Variants in CNTNAP2 observed in about 807,000 individuals in gnomAD.
CNTNAP2 encodes contactin-associated protein-like 2.
A neutral mutation model predicts 155.2 loss-of-function variants in CNTNAP2; 98 were observed. That is an observed-to-expected ratio of 0.63 (90% CI 0.54 to 0.75). CNTNAP2 has a LOEUF of 0.75. Ranked by LOEUF, CNTNAP2 falls within the 30% of genes least tolerant of loss-of-function variation. CNTNAP2 has a pLI of 0.00. For missense variants in CNTNAP2, 1,727 were observed against 1,688.1 expected (o/e 1.02, Z -0.40); for synonymous variants, 651 against 631.2 (o/e 1.03, Z -0.47).
intron 1 of CNTNAP2, among the ~76,000 whole-genome samples, chr7:146,199,898 C>CTTG (rs1297542252): frequency 4.6e-5 from 7 of 152,226 alleles, no homozygotes; most frequent in Admixed American, 4.6e-4. Flanking sequence ...GAAAAACAGT[C>CTTG]TTTCTCCCTT....
At chr7:147,763,927 G>T (rs975940552) in intron 13 of CNTNAP2, among the ~76,000 whole-genome samples, 1 of 152,174 alleles carries the variant, frequency 6.6e-6, no homozygotes. Context: ...CTGATAAGGT[G>T]CGTGCCATTC....
chr7:148,094,846 A>G (rs1803928137), intron 15 of CNTNAP2, among the ~76,000 whole-genome samples: 1 of 152,238 alleles, frequency 6.6e-6, no homozygotes. Flanking sequence ...ACTTGGCTCT[A>G]GGAAGGACCC....
chr7:147,924,337 C>A (rs535753716), intron 14 of CNTNAP2, among the ~76,000 whole-genome samples: 1 of 151,938 alleles, frequency 6.6e-6, no homozygotes, highest in East Asian at 1.9e-4. Flanking sequence ...CAGGGTTTCT[C>A]CATGTTGGTC....
At chr7:147,154,722 A>T (rs1315130238) in intron 8 of CNTNAP2, among the ~76,000 whole-genome samples, 4 of 152,132 alleles carry the variant, frequency 2.6e-5, no homozygotes. Flanking sequence ...AAAGATACTG[A>T]ACTGAAATCA....
rs2222914 is a variant in CNTNAP2 at position 147,948,018 on chromosome 7, A to T, written c.2256-29844A>T. On this transcript the variant is annotated intron_variant, in intron 14 of 23. Coordinates refer to ENST00000361727, the MANE Select transcript of CNTNAP2 (RefSeq NM_014141.6). ...TTCCATTTCTGTACAGAATTTTTTT[A>T]AAATTTACCTCACAATCTAGAAAGA... Among the ~76,000 whole-genome samples the T allele has an allele frequency of 1.9e-3, 288 of 152,292 alleles. 6 individuals carry two copies. In the East Asian group the frequency reaches 0.046, roughly 25 times the overall value.
chr7:148,289,437 C>T (rs73171906), intron 21 of CNTNAP2, among the ~76,000 whole-genome samples: 20,454 of 152,126 alleles, frequency 0.13, 1,582 homozygotes, highest in Middle Eastern at 0.22. Context: ...TTTGTCCTCC[C>T]AGGGTGAAAT....
chr7:146,235,128 A>G (rs879316314), intron 1 of CNTNAP2, among the ~76,000 whole-genome samples: 1 of 152,194 alleles, frequency 6.6e-6, no homozygotes, highest in Non-Finnish European at 1.5e-5. Context: ...GTACATAGAA[A>G]ATACATCTTA....
At chr7:147,991,928 G>C (rs1018870299) in intron 15 of CNTNAP2, among the ~76,000 whole-genome samples, 6 of 151,992 alleles carry the variant, frequency 3.9e-5, no homozygotes, top group African/African-American at 1.5e-4. Flanking sequence ...TCCTAACTAT[G>C]TGCAGGTCTG....
At chr7:147,638,106 T>A (rs1294827041) in intron 12 of CNTNAP2, among the ~76,000 whole-genome samples, 2 of 152,224 alleles carry the variant, frequency 1.3e-5, no homozygotes, top group African/African-American at 4.8e-5. Flanking sequence ...ATATTTGATA[T>A]GCCTCAATCC....
intron 7 of CNTNAP2, among the ~76,000 whole-genome samples, chr7:147,129,143 C>T (rs533052893): frequency 2.6e-5 from 4 of 152,244 alleles, no homozygotes; most frequent in Admixed American, 2.0e-4. Context: ...GCCCTTAAAC[C>T]GGCAGCATCG....
chr7:146,460,757 G>A (rs1796624172), intron 1 of CNTNAP2, among the ~76,000 whole-genome samples: 1 of 152,118 alleles, frequency 6.6e-6, no homozygotes, highest in African/African-American at 2.4e-5. Context: ...CTTACATGCA[G>A]AATCTTAAAA....
intron 1 of CNTNAP2, among the ~76,000 whole-genome samples, chr7:146,722,713 T>A (rs907373834): frequency 2.5e-4 from 36 of 146,590 alleles, no homozygotes; most frequent in African/African-American, 9.1e-4. Context: ...ACACACAAAA[T>A]ATATATATAT....
chr7:147,821,385 T>C (rs184121163), intron 13 of CNTNAP2, among the ~76,000 whole-genome samples: 1,576 of 152,288 alleles, frequency 0.01, 14 homozygotes, highest in Middle Eastern at 0.024. Context: ...GTGCCTTTTA[T>C]GTATCAAGCA....
intron 11 of CNTNAP2, among the ~76,000 whole-genome samples, chr7:147,498,658 C>T (rs183286214): frequency 7.7e-4 from 118 of 152,266 alleles, no homozygotes; most frequent in Admixed American, 2.6e-3. Context: ...TTCCTTTATA[C>T]ATATAGATGA....
intron 15 of CNTNAP2, among the ~76,000 whole-genome samples, chr7:148,106,773 C>T (rs1350990428): frequency 1.3e-5 from 2 of 152,100 alleles, no homozygotes; most frequent in East Asian, 3.8e-4. Flanking sequence ...TTGTTTCTTG[C>T]TAAATCTTCT....
chr7:146,549,887 C>G (rs1798088940), intron 1 of CNTNAP2, among the ~76,000 whole-genome samples: 2 of 152,072 alleles, frequency 1.3e-5, no homozygotes. Context: ...AAGGACATCA[C>G]ACCTGCAGTA....
intron 1 of CNTNAP2, among the ~76,000 whole-genome samples, chr7:146,486,869 G>A (rs1797066430): frequency 6.6e-6 from 1 of 152,090 alleles, no homozygotes; most frequent in Non-Finnish European, 1.5e-5. Flanking sequence ...ACTCTTCTAT[G>A]TATTCCCCTC....
chr7:148,236,454 T>C (rs4725770), intron 20 of CNTNAP2, among the ~76,000 whole-genome samples: 43,769 of 152,078 alleles, frequency 0.29, 6,604 homozygotes, highest in Middle Eastern at 0.33. Context: ...TCATTGATTA[T>C]TGGGAACTGG....
intron 15 of CNTNAP2, among the ~76,000 whole-genome samples, chr7:148,106,177 G>C (rs540257335): frequency 5.3e-5 from 8 of 152,240 alleles, no homozygotes; most frequent in Admixed American, 3.3e-4. Flanking sequence ...GAATACTGTG[G>C]ATATAGTTAA....
Sources: gnomAD v4.1 joint callset for allele counts (sites outside exome capture counted in the v4.1 genomes callset) on GRCh38, gnomAD v4.1.1 for gene constraint, MANE v1.5 for transcripts, NCBI Gene and HGNC (gene_info 2026-07-23, HGNC 2026-07-21) for gene names.